SOX6: variants seen among roughly 807,000 people sequenced by gnomAD.
SOX6 encodes SRY-box transcription factor 6.
SOX6 carries 11 observed loss-of-function variants against 97.8 expected under a neutral mutation model. That is an observed-to-expected ratio of 0.11 (90% CI 0.07 to 0.19). The LOEUF (loss-of-function observed/expected upper bound fraction) is 0.19, where lower values mean the gene tolerates loss of function less well. SOX6 is among the 10% of genes least tolerant of loss of function. The pLI is 1.00. For missense variants in SOX6, 810 were observed against 1,039.5 expected (o/e 0.78, Z 3.04); for synonymous variants, 360 against 371.4 (o/e 0.97, Z 0.35).
Position 16,056,052 on chromosome 11 carries a change from T to A in SOX6, c.1102-151A>T, listed in dbSNP as rs532962732. The stretch of plus-strand genomic sequence containing the variant: ...AAAAAGGAAGCTAAGAGAAGGCAAA[T>A]AATAAAACAGAAAGAAAAAGGACAG... On this transcript the variant is annotated intron_variant, in intron 9 of 15. Coordinates refer to ENST00000683767, the MANE Select transcript of SOX6 (RefSeq NM_001367873.1). 2.6e-4 allele frequency: 231 copies of A among 901,840 alleles called. 1 individual carries two copies. The African/African-American group carries it at 3.7e-3, about 14-fold the overall frequency. The allele number at this position is 901,840 out of a possible 1,614,324, so 55.9% of individuals were successfully genotyped here. A position where few individuals can be genotyped will look rare whatever the true frequency, so the allele number is the denominator to read the frequency against.
At chr11:16,101,272 G>A (rs578259374) in intron 7 of SOX6, among the ~76,000 whole-genome samples, 147 of 151,682 alleles carry the variant, frequency 9.7e-4, no homozygotes, top group Non-Finnish European at 1.6e-3. Context: ...GTCTTTATGC[G>A]AAACCACACT....
intron 3 of SOX6, among the ~76,000 whole-genome samples, chr11:16,277,586 G>A (rs1020996328): frequency 1.3e-5 from 2 of 152,146 alleles, no homozygotes; most frequent in Non-Finnish European, 2.9e-5. Flanking sequence ...AATAAAGTCT[G>A]GTATCTTCCA....
Position 16,301,730 on chromosome 11 carries a change from A to G in SOX6, c.445+16716T>C, listed in dbSNP as rs143603393. Among the ~76,000 whole-genome samples, 843 of 152,258 alleles carry G rather than the reference A, an allele frequency of 5.5e-3. 14 individuals carry two copies. The highest frequency in any genetic ancestry group is 6.0e-3 in the Non-Finnish European group (411 of 68,012). ...CCACATATGGACCAAGTTTGATGCA[A>G]CAATGTTCATTGTTGCAACCTGAAA... On this transcript the variant is annotated intron_variant, in intron 3 of 15. Coordinates refer to ENST00000683767, the MANE Select transcript of SOX6 (RefSeq NM_001367873.1).
chr11:16,376,808 T>A (rs1240149992), intron 1 of SOX6, among the ~76,000 whole-genome samples: 3 of 151,980 alleles, frequency 2.0e-5, no homozygotes, highest in African/African-American at 7.2e-5. Context: ...ATAGAACATT[T>A]AGACTTCAGA....
chr11:16,633,648 T>C (rs1350649011), intron 3 of SOX6, among the ~76,000 whole-genome samples: 2 of 152,176 alleles, frequency 1.3e-5, no homozygotes, highest in Admixed American at 6.5e-5. Flanking sequence ...ACAGTGTCTT[T>C]ATAGCTGGGA....
At position 16,015,050 on chromosome 11, in the gene SOX6, C is replaced by T; in HGVS notation, c.1624G>A (p.Glu542Lys). The change falls in exon 13 of 16, where the codon GAA becomes AAA. Residue 542 changes from glutamate to lysine, a missense_variant and splice_region_variant. By Grantham distance (56) the Glu-to-Lys change is moderately conservative. Coordinates refer to ENST00000683767, the MANE Select transcript of SOX6 (RefSeq NM_001367873.1). ...CCCAAATTCTCAAAGCGCGTTCTTT[C>T]CTAGAGGAACAAATAATCAGAGGCT... ...MGLNSCRNEKERTRFENLGPQ... is the reference protein window; with the variant it reads ...MGLNSCRNEKKRTRFENLGPQ... The T allele has an allele frequency of 6.2e-7, 1 of 1,612,148 alleles. No homozygotes were observed. Among genetic ancestry groups the T allele is most frequent in the Non-Finnish European group, 8.5e-7 (1 of 1,178,768 alleles).
At chr11:16,376,974 T>C (rs1374822135) in intron 1 of SOX6, among the ~76,000 whole-genome samples, 2 of 150,486 alleles carry the variant, frequency 1.3e-5, no homozygotes, top group Non-Finnish European at 3.0e-5. Flanking sequence ...TATTAAGGAG[T>C]GCTATCTCAA....
At chr11:16,296,932 G>A (rs1018426309) in intron 3 of SOX6, among the ~76,000 whole-genome samples, 1 of 151,956 alleles carries the variant, frequency 6.6e-6, no homozygotes, top group Non-Finnish European at 1.5e-5. Flanking sequence ...CACCCATCAG[G>A]ACAGCCACAA....
chr11:16,559,968 T>G (rs1847790074), intron 4 of SOX6, among the ~76,000 whole-genome samples: 1 of 152,168 alleles, frequency 6.6e-6, no homozygotes, highest in African/African-American at 2.4e-5. Context: ...TTATTTTATT[T>G]TGCCATTTTG....
At chr11:16,132,401 AAAAGAAAG>A (rs1321127213) in intron 6 of SOX6, among the ~76,000 whole-genome samples, 1,067 of 43,598 alleles carry the variant, frequency 0.024, 81 homozygotes, top group South Asian at 0.033. Flanking sequence ...AAAGAAAGAA[AAAAGAAAG>A]AAAGAAAGAA....
intron 3 of SOX6, among the ~76,000 whole-genome samples, chr11:16,678,326 C>T (rs1357408176): frequency 6.6e-6 from 1 of 152,200 alleles, no homozygotes; most frequent in Non-Finnish European, 1.5e-5. Context: ...CAGCATTCCT[C>T]AAGTTTTAAC....
chr11:16,217,251 A>G (rs1852400265), intron 4 of SOX6, among the ~76,000 whole-genome samples: 1 of 152,174 alleles, frequency 6.6e-6, no homozygotes, highest in East Asian at 1.9e-4. Flanking sequence ...CACTCTTTGT[A>G]TACTTTACTG....
At chr11:16,670,374 C>T (rs376869843) in intron 3 of SOX6, among the ~76,000 whole-genome samples, 62 of 152,256 alleles carry the variant, frequency 4.1e-4, no homozygotes, top group African/African-American at 1.4e-3. Context: ...ACCAGCAGTA[C>T]AGCCACCCCA....
At chr11:16,431,513 G>A (rs1859271825) in intron 1 of SOX6, among the ~76,000 whole-genome samples, 1 of 151,918 alleles carries the variant, frequency 6.6e-6, no homozygotes, top group Non-Finnish European at 1.5e-5. Context: ...TGCTCTCTGG[G>A]AATTTCTGGC....
intron 3 of SOX6, among the ~76,000 whole-genome samples, chr11:16,260,488 T>C (rs1361556064): frequency 6.6e-6 from 1 of 152,164 alleles, no homozygotes; most frequent in Non-Finnish European, 1.5e-5. Flanking sequence ...AACTATTGCC[T>C]GAGCCAAAAA....
chr11:16,524,510 C>T (rs940302470), intron 4 of SOX6, among the ~76,000 whole-genome samples: 13 of 151,824 alleles, frequency 8.6e-5, no homozygotes, highest in African/African-American at 2.9e-4. Context: ...CTATGACAAA[C>T]CCACAGCCAA....
At chr11:16,041,818 A>G (rs755898875) in intron 12 of SOX6, among the ~76,000 whole-genome samples, 11 of 152,160 alleles carry the variant, frequency 7.2e-5, no homozygotes, top group Non-Finnish European at 1.6e-4. Context: ...TGAAAAAGAA[A>G]TATGCATATC....
chr11:16,611,858 G>C (rs953261132), intron 4 of SOX6, among the ~76,000 whole-genome samples: 1 of 152,164 alleles, frequency 6.6e-6, no homozygotes, highest in Non-Finnish European at 1.5e-5. Context: ...CGACAGTAGC[G>C]GCAGAGCACC....
chr11:16,259,615 C>A (rs1213954136), intron 3 of SOX6, among the ~76,000 whole-genome samples: 1 of 152,084 alleles, frequency 6.6e-6, no homozygotes, highest in Non-Finnish European at 1.5e-5. Flanking sequence ...TCTGCTACAA[C>A]ATTTAAACTC....
Sources: allele counts gnomAD v4.1 joint callset (sites outside exome capture counted in the v4.1 genomes callset), GRCh38; gene constraint gnomAD v4.1.1; transcripts MANE v1.5; gene names NCBI Gene and HGNC (gene_info 2026-07-23, HGNC 2026-07-21).